Variants in LRRTM4 observed in about 807,000 individuals in gnomAD.
LRRTM4 encodes leucine rich repeat transmembrane neuronal 4.
Under a neutral mutation model 47.6 loss-of-function variants are expected in LRRTM4, and 25 were observed. The ratio of observed to expected loss-of-function variants is 0.53; its 90% CI spans 0.38 to 0.73. LRRTM4 has a LOEUF of 0.73. LRRTM4 is among the 30% of genes least tolerant of loss of function. The pLI is 0.00. For missense variants in LRRTM4, 638 were observed against 713.4 expected, an observed-to-expected ratio of 0.89 and a Z score of 1.20; for synonymous variants, 311 against 269.5, an observed-to-expected ratio of 1.15 and a Z score of -1.51.
chr2:76,895,918 G>A (rs1673402680), intron 3 of LRRTM4, among the ~76,000 whole-genome samples: 1 of 151,952 alleles, frequency 6.6e-6, no homozygotes, highest in African/African-American at 2.4e-5. Flanking sequence ...CTCAGCTGTG[G>A]AAGGTGGTGG....
intron 3 of LRRTM4, among the ~76,000 whole-genome samples, chr2:77,203,468 C>T (rs1352800479): frequency 6.6e-6 from 1 of 152,016 alleles, no homozygotes; most frequent in African/African-American, 2.4e-5. Flanking sequence ...CTACTGACTG[C>T]CTTAGGTAAA....
chr2:77,452,326 A>G (rs1320345443), intron 3 of LRRTM4, among the ~76,000 whole-genome samples: 1 of 152,190 alleles, frequency 6.6e-6, no homozygotes, highest in African/African-American at 2.4e-5. Context: ...TAGGTGGTGG[A>G]ACCAACAGGA....
At chr2:76,939,545 G>A (rs973312782) in intron 3 of LRRTM4, among the ~76,000 whole-genome samples, 1 of 151,782 alleles carries the variant, frequency 6.6e-6, no homozygotes, top group African/African-American at 2.4e-5. Context: ...TATCATGGAA[G>A]ATAAAACAGA....
chr2:77,220,733 T>A (rs574323823), intron 3 of LRRTM4, among the ~76,000 whole-genome samples: 1 of 152,240 alleles, frequency 6.6e-6, no homozygotes, highest in Non-Finnish European at 1.5e-5. Flanking sequence ...ATCTGATTGC[T>A]GTACCTGAAA....
chr2:77,517,769 G>A, intron 3 of LRRTM4: 2 of 984,728 alleles, frequency 2.0e-6, no homozygotes, highest in Non-Finnish European at 2.4e-6. Flanking sequence ...CTCTATGCTG[G>A]TATAATAACT....
intron 3 of LRRTM4, among the ~76,000 whole-genome samples, chr2:76,948,517 T>C (rs532590708): frequency 2.0e-5 from 3 of 151,934 alleles, no homozygotes; most frequent in Non-Finnish European, 4.4e-5. Context: ...TCCAGTAGAA[T>C]TGGTAAGAGT....
chr2:77,217,195 T>C (rs953177319), intron 3 of LRRTM4, among the ~76,000 whole-genome samples: 1 of 151,440 alleles, frequency 6.6e-6, no homozygotes, highest in Non-Finnish European at 1.5e-5. Context: ...AACTTTGATG[T>C]ACAACTATTG....
At chr2:76,978,792 G>A (rs190482328) in intron 3 of LRRTM4, among the ~76,000 whole-genome samples, 8 of 152,146 alleles carry the variant, frequency 5.3e-5, no homozygotes, top group Admixed American at 6.6e-5. Flanking sequence ...GAAATCTGGG[G>A]ATGTTGCCAC....
Position 76,816,711 on chromosome 2 carries a change from T to G in LRRTM4, c.1552-67795A>C, listed in dbSNP as rs184678796. On this transcript the variant is annotated intron_variant, in intron 3 of 3. Transcript: ENST00000409884. ...ACTGAATTTTATAAACTTCAGCTGA[T>G]GACACTATTCAGAAAGCTCCTCGAG... is the stretch of plus-strand genomic sequence containing the variant. Among the ~76,000 whole-genome samples, 164 of 151,902 alleles carry G rather than the reference T, an allele frequency of 1.1e-3. 1 individual carries two copies. Among genetic ancestry groups the G allele is most frequent in the African/African-American group, 3.9e-3 (160 of 41,524 alleles).
intron 3 of LRRTM4, among the ~76,000 whole-genome samples, chr2:77,084,362 C>T (rs1305970726): frequency 6.6e-6 from 1 of 152,154 alleles, no homozygotes; most frequent in Non-Finnish European, 1.5e-5. Flanking sequence ...TGCAATCAGC[C>T]TACGTCCTGA....
At chr2:77,234,575 T>A (rs2103976918) in intron 3 of LRRTM4, among the ~76,000 whole-genome samples, 1 of 152,326 alleles carries the variant, frequency 6.6e-6, no homozygotes, top group African/African-American at 2.4e-5. Context: ...TTTTATATAA[T>A]TGCTCAGATT....
At chr2:77,335,404 C>T (rs896752134) in intron 3 of LRRTM4, among the ~76,000 whole-genome samples, 13 of 152,166 alleles carry the variant, frequency 8.5e-5, no homozygotes, top group African/African-American at 2.9e-4. Flanking sequence ...CAAGCATGCT[C>T]CTGACTCAGG....
intron 3 of LRRTM4, among the ~76,000 whole-genome samples, chr2:77,453,143 C>A (rs1411394361): frequency 1.3e-5 from 2 of 149,270 alleles, no homozygotes; most frequent in African/African-American, 4.9e-5. Context: ...TAATATATTC[C>A]ACTGTAATTT....
At chr2:77,048,887 G>C (rs1234737826) in intron 3 of LRRTM4, among the ~76,000 whole-genome samples, 1 of 151,124 alleles carries the variant, frequency 6.6e-6, no homozygotes, top group Non-Finnish European at 1.5e-5. Context: ...CTGTAATTTA[G>C]TATCCTTTAA....
chr2:77,038,445 A>C (rs1678908231), intron 3 of LRRTM4, among the ~76,000 whole-genome samples: 1 of 151,520 alleles, frequency 6.6e-6, no homozygotes, highest in Admixed American at 6.6e-5. Context: ...TTAATGACTA[A>C]ATTTATTTTA....
chr2:76,912,062 A>G (rs1437860016), intron 3 of LRRTM4, among the ~76,000 whole-genome samples: 2 of 151,358 alleles, frequency 1.3e-5, no homozygotes, highest in Admixed American at 6.6e-5. Flanking sequence ...CTGCAACTAT[A>G]GGCGCCCGCC....
chr2:77,178,501 G>A (rs559448124), intron 3 of LRRTM4, among the ~76,000 whole-genome samples: 22 of 152,088 alleles, frequency 1.4e-4, no homozygotes, highest in East Asian at 7.8e-4. Flanking sequence ...CAGGAGAATC[G>A]CTTGAACGCA....
Position 77,519,139 on chromosome 2 carries a change from T to C in LRRTM4, c.730A>G (p.Ile244Val). 1.9e-6 allele frequency: 3 copies of C among 1,613,186 alleles called. No individual in the cohort carries two copies. The highest frequency in any genetic ancestry group is 2.5e-6 in the Non-Finnish European group (3 of 1,179,532). The change falls in exon 3 of 4, where the codon ATT (isoleucine) becomes GTT (valine). Residue 244 changes from isoleucine to valine, a missense_variant. Coordinates refer to ENST00000409884, the MANE Select transcript of LRRTM4 (RefSeq NM_001134745.3). The surrounding 1 kb of genome is among the most constrained non-coding windows in gnomAD (Gnocchi z 4.6). ...CAAGTCCATGTCAAACCTTGGCTAATGGAGCGAATCCTGTTCCATTGTAAG... is the reference window on the plus strand; with the variant it reads ...CAAGTCCATGTCAAACCTTGGCTAACGGAGCGAATCCTGTTCCATTGTAAG... ...IYLQWNRIRS[I>V]SQGLTWTWSS...
intron 3 of LRRTM4, among the ~76,000 whole-genome samples, chr2:77,085,273 T>G (rs920728630): frequency 6.6e-6 from 1 of 151,982 alleles, no homozygotes; most frequent in African/African-American, 2.4e-5. Flanking sequence ...TAGTAAGCCT[T>G]TTATTTTTGG....
Sources: allele counts gnomAD v4.1 joint callset (sites outside exome capture counted in the v4.1 genomes callset), GRCh38; gene constraint gnomAD v4.1.1; non-coding constraint Gnocchi (gnomAD v3.1); transcripts MANE v1.5; gene names NCBI Gene and HGNC (gene_info 2026-07-23, HGNC 2026-07-21).